RNF135: variants seen among roughly 807,000 people sequenced by gnomAD.
RNF135 encodes ring finger protein 135.
RNF135 carries 46 observed loss-of-function variants against 41.9 expected under a neutral mutation model. The observed-to-expected ratio is 1.10, with a 90% CI of 0.87 to 1.40. RNF135 has a LOEUF of 1.40. Among genes scored for constraint, RNF135 ranks in the 40% most tolerant of loss-of-function variants. RNF135 has a pLI of 0.00. For synonymous variants in RNF135, 238 were observed against 223.8 expected, an observed-to-expected ratio of 1.06 and a Z score of -0.57; for missense variants, 539 against 549.8, an observed-to-expected ratio of 0.98 and a Z score of 0.20.
upstream of RNF135, among the ~76,000 whole-genome samples, chr17:30,967,006 T>C (rs1362786077): frequency 1.3e-5 from 2 of 152,126 alleles, no homozygotes; most frequent in African/African-American, 4.8e-5. Context: ...TTGCAAAAGT[T>C]TGTCTATCAT....
chr17:30,971,221 G>C lies in RNF135; in HGVS notation c.148G>C (p.Gly50Arg), dbSNP rs989843388. The C allele has an allele frequency of 1.3e-6, 2 of 1,513,424 alleles. No individual in the cohort carries two copies. The highest frequency in any genetic ancestry group is 2.1e-5 in the Admixed American group (1 of 48,324). 93.7% of individuals were successfully genotyped at this position (1,513,424 alleles called of 1,614,324 possible). A position where few individuals can be genotyped will look rare whatever the true frequency, so the allele number is the denominator to read the frequency against. Residue 50 changes from glycine to arginine, a missense_variant, in exon 1 of 5, where the codon GGC (glycine) becomes CGC (arginine). Transcript: ENST00000328381. ...FCRHCLEALW[G>R]ARDARRWACP... is the part of the protein sequence containing the mutation. The stretch of plus-strand genomic sequence containing the variant: ...CCGCCACTGCCTGGAGGCCCTGTGG[G>C]GCGCCCGCGACGCCCGCCGCTGGGC...
At chr17:30,962,743 C>A in the RNF135 span, among the ~76,000 whole-genome samples, 1 of 152,332 alleles carries the variant, frequency 6.6e-6, no homozygotes, top group African/African-American at 2.4e-5. Context: ...GGATTACAGG[C>A]ATGAGCCACC....
chr17:30,988,248 T>G lies in RNF135; in HGVS notation c.679+142T>G, dbSNP rs77103071. 3.9e-5 allele frequency: 31 copies of G among 802,424 alleles called. No individual in the cohort carries two copies. In the East Asian group the frequency reaches 7.8e-4, roughly 20 times the overall value. 49.7% of individuals were successfully genotyped at this position (802,424 alleles called of 1,614,324 possible). On this transcript the variant is annotated intron_variant, in intron 3 of 4. Coordinates refer to ENST00000328381, the MANE Select transcript of RNF135 (RefSeq NM_032322.4). ...TGTGGTGTCGTGAATCAGGTAGGGG[T>G]GGGCTGAAGTGATTTTGTGGCTGAA...
intron 1 of RNF135, among the ~76,000 whole-genome samples, chr17:30,983,239 C>G (rs1317942812): frequency 2.7e-5 from 4 of 146,492 alleles, no homozygotes; most frequent in African/African-American, 1.0e-4. Flanking sequence ...TTATGAATCT[C>G]TTTGAGATCC....
chr17:30,976,746 T>C (rs553642648), intron 1 of RNF135, among the ~76,000 whole-genome samples: 67 of 152,350 alleles, frequency 4.4e-4, no homozygotes, highest in African/African-American at 1.6e-3. Context: ...TTGTCTGATA[T>C]ATGTATAGCT....
intron 2 of RNF135, 116 bp downstream of exon 2, chr17:30,984,876 ATTG>A (rs1907477466): frequency 8.3e-7 from 1 of 1,203,466 alleles, no homozygotes; most frequent in Non-Finnish European, 1.2e-6. Context: ...TCAATCTTTT[ATTG>A]TTCTCTTTAC....
intron 1 of RNF135, chr17:30,978,792 A>G (rs1368949411): frequency 8.3e-6 from 1 of 121,140 alleles, no homozygotes; most frequent in African/African-American, 3.3e-5. Context: ...ACTTAAGATT[A>G]GGGAGTGGTG....
chr17:30,979,814 C>T (rs1264962016), intron 1 of RNF135, among the ~76,000 whole-genome samples: 5 of 129,006 alleles, frequency 3.9e-5, no homozygotes, highest in East Asian at 2.6e-4. Context: ...GGGGGCTGAC[C>T]CCCCCACCTC....
At chr17:30,998,451 T>C (rs1192095365) in intron 4 of RNF135, among the ~76,000 whole-genome samples, 1 of 152,224 alleles carries the variant, frequency 6.6e-6, no homozygotes, top group Non-Finnish European at 1.5e-5. Flanking sequence ...TTTCAATACA[T>C]ATGGTGCATA....
At chr17:30,991,920 T>A (rs1008447375) in intron 3 of RNF135, among the ~76,000 whole-genome samples, 1 of 152,010 alleles carries the variant, frequency 6.6e-6, no homozygotes, top group Non-Finnish European at 1.5e-5. Context: ...TATAGACATT[T>A]TTAAATTTAT....
At chr17:30,991,017 C>G (rs1404525156) in intron 3 of RNF135, among the ~76,000 whole-genome samples, 1 of 151,742 alleles carries the variant, frequency 6.6e-6, no homozygotes, top group African/African-American at 2.4e-5. Flanking sequence ...GCTCAAATTG[C>G]CAGTGAAGGT....
Position 30,993,949 on chromosome 17 carries a change from A to G in RNF135, c.680-3293A>G, listed in dbSNP as rs910898508. The G allele has an allele frequency of 1.3e-5, 7 of 546,786 alleles. No homozygotes were observed. In the Admixed American group the frequency reaches 2.1e-4, roughly 16 times the overall value. 33.9% of individuals were successfully genotyped at this position (546,786 alleles called of 1,614,324 possible). On this transcript the variant is annotated intron_variant, in intron 3 of 4. Transcript: ENST00000328381. Reference sequence around the variant, plus strand: ...CTCCCAAGTAGCTGGGACTACAGGCATGTGCCACCACACTCAGCTAATTTT... The same window carrying G: ...CTCCCAAGTAGCTGGGACTACAGGCGTGTGCCACCACACTCAGCTAATTTT...
At chr17:30,983,353 A>ATATATATTTT (rs1420453160) in intron 1 of RNF135, among the ~76,000 whole-genome samples, 11 of 35,726 alleles carry the variant, frequency 3.1e-4, no homozygotes, top group Non-Finnish European at 4.3e-4. Context: ...ATATATATAT[A>ATATATATTTT]TTTTTTTTTT....
At chr17:30,961,031 G>A in the RNF135 span, among the ~76,000 whole-genome samples, 8 of 152,038 alleles carry the variant, frequency 5.3e-5, no homozygotes, top group African/African-American at 1.7e-4. Flanking sequence ...GAGCCACCAC[G>A]CCAGGCCTGT....
rs370370866 is a variant in RNF135 at position 30,982,708 on chromosome 17, CT to C, written c.373-1907del. 2.8e-4 allele frequency among the ~76,000 whole-genome samples: 42 copies of C among 152,316 alleles called. No homozygotes were observed. The South Asian group carries it at 8.5e-3, about 31-fold the overall frequency. The stretch of plus-strand genomic sequence containing the variant: ...TGCTCTGCCCTCTCCACCCTTAAGT[CT>C]TCTGGCTTTCCCCCACTTCTCTCTG... On this transcript the variant is annotated intron_variant, in intron 1 of 4. Transcript: ENST00000328381.
chr17:30,998,236 T>C (rs1908503171), intron 4 of RNF135, among the ~76,000 whole-genome samples: 1 of 152,166 alleles, frequency 6.6e-6, no homozygotes, highest in African/African-American at 2.4e-5. Flanking sequence ...ATTTTTAAAA[T>C]TGACATATAA....
rs747032876 is a variant in RNF135 at position 30,998,893 on chromosome 17, T to A, written c.1001T>A (p.Met334Lys). 3 of 1,611,758 alleles carry A rather than the reference T, an allele frequency of 1.9e-6. No homozygotes were observed. The highest frequency in any genetic ancestry group is 1.7e-5 in the Admixed American group (1 of 59,868). Residue 334 changes from methionine to lysine, a missense_variant, in exon 5 of 5, where the codon ATG becomes AAG. Transcript: ENST00000328381. Reference protein sequence around the residue: ...HWAVGVASWEMSRDQVLGRTM... With the variant: ...HWAVGVASWEKSRDQVLGRTM... ...GCAGTTGGGGTGGCTTCCTGGGAGA[T>A]GAGCCGCGACCAGGTCCTGGGAAGG...
In RNF135 at chr17:30,980,767, C is replaced by T. The variant is rs1049575400; in HGVS notation, c.373-3850C>T. On this transcript the variant is annotated intron_variant, in intron 1 of 4. Coordinates refer to ENST00000328381, the MANE Select transcript of RNF135 (RefSeq NM_032322.4). ...TGCTCCCCACATCTCAGACGATGGG[C>T]GGCCGGGCAGAGACGCTCCTCACTT... Among the ~76,000 whole-genome samples, 519 of 147,364 alleles carry T rather than the reference C, an allele frequency of 3.5e-3. 3 individuals are homozygous for T. Among genetic ancestry groups the T allele is most frequent in the African/African-American group, 0.012 (477 of 39,836 alleles).
At chr17:30,976,766 C>CT (rs1466498651) in intron 1 of RNF135, among the ~76,000 whole-genome samples, 2 of 152,094 alleles carry the variant, frequency 1.3e-5, no homozygotes, top group African/African-American at 4.8e-5. Context: ...TAATCCTGCT[C>CT]TTTTTTGGTT....
Sources: gnomAD v4.1 joint callset for allele counts (sites outside exome capture counted in the v4.1 genomes callset) on GRCh38, gnomAD v4.1.1 for gene constraint, MANE v1.5 for transcripts, NCBI Gene and HGNC (gene_info 2026-07-23, HGNC 2026-07-21) for gene names.